The following DOK5 variants were observed in gnomAD, a reference collection of about 807,000 sequenced individuals.
DOK5 encodes the protein docking protein 5, also known as downstream of tyrosine kinase 5.
In DOK5, 27 loss-of-function variants were observed where a neutral mutation model predicts 43.3. That is an observed-to-expected ratio of 0.62 (90% CI 0.46 to 0.86). The LOEUF (loss-of-function observed/expected upper bound fraction) is 0.86. DOK5 is among the 40% of genes least tolerant of loss of function. DOK5 has a pLI of 0.00. For missense variants in DOK5, 373 were observed against 392.9 expected (o/e 0.95, Z 0.43); for synonymous variants, 146 against 140.1 (o/e 1.04, Z -0.30).
In DOK5 at chr20:54,619,023, T is replaced by TTTTATATA. The variant is rs1555836770; in HGVS notation, c.735+8501_735+8502insTTATATAT. 1.1e-3 allele frequency among the ~76,000 whole-genome samples: 49 copies of TTTTATATA among 43,400 alleles called. 5 individuals carry two copies. The highest frequency in any genetic ancestry group is 2.0e-3 in the Admixed American group (7 of 3,450). 28.5% of individuals were successfully genotyped at this position (43,400 alleles called of 152,430 possible). On this transcript the variant is annotated intron_variant, in intron 6 of 7. Coordinates refer to ENST00000262593, the MANE Select transcript of DOK5 (RefSeq NM_018431.5). ...CAGAACAAGACCTTGTTTCAATAAA[T>TTTTATATA]TATATATATATATATATATATATAT... is the stretch of plus-strand genomic sequence containing the variant.
chr20:54,631,606 A>G (rs996440721), intron 6 of DOK5, among the ~76,000 whole-genome samples: 4 of 152,124 alleles, frequency 2.6e-5, no homozygotes, highest in Non-Finnish European at 4.4e-5. Flanking sequence ...AATCTACCTT[A>G]TATGTTTTCC....
chr20:54,493,787 A>C (rs1391851767), intron 1 of DOK5, among the ~76,000 whole-genome samples: 1 of 151,884 alleles, frequency 6.6e-6, no homozygotes, highest in Non-Finnish European at 1.5e-5. Flanking sequence ...AAATTAAAAA[A>C]ACTTTGTTGG....
intron 2 of DOK5, among the ~76,000 whole-genome samples, chr20:54,557,026 G>C (rs77516766): frequency 0.05 from 7,654 of 152,266 alleles, 229 homozygotes; most frequent in East Asian, 0.13. Context: ...TCGGCAAATG[G>C]TGTTGGCTGT....
At position 54,503,344 on chromosome 20, in the gene DOK5, G is replaced by A. The variant is rs368493442; in HGVS notation, c.66+27332G>A. 1.1e-4 allele frequency among the ~76,000 whole-genome samples: 17 copies of A among 152,116 alleles called. No individual in the cohort carries two copies. The East Asian group carries it at 1.9e-3, about 17-fold the overall frequency. ...TTTAAAAAATAATTTTATAGACTGGGGTATTGGAAAAGTAGTATAATCAGG... is the reference window on the plus strand; with the variant it reads ...TTTAAAAAATAATTTTATAGACTGGAGTATTGGAAAAGTAGTATAATCAGG... On this transcript the variant is annotated intron_variant, in intron 1 of 7. Coordinates refer to ENST00000262593, the MANE Select transcript of DOK5 (RefSeq NM_018431.5).
At chr20:54,641,226 T>C (rs1979095726) in intron 6 of DOK5, among the ~76,000 whole-genome samples, 1 of 152,336 alleles carries the variant, frequency 6.6e-6, no homozygotes, top group East Asian at 1.9e-4. Context: ...GTGATTCCAC[T>C]TGGGGGCATG....
At chr20:54,582,556 C>T (rs1985677074) in intron 2 of DOK5, among the ~76,000 whole-genome samples, 1 of 151,374 alleles carries the variant, frequency 6.6e-6, no homozygotes, top group East Asian at 2.0e-4. Flanking sequence ...TTATTGAATC[C>T]CTTAATAGTT....
chr20:54,564,213 G>A (rs1244074163), intron 2 of DOK5, among the ~76,000 whole-genome samples: 1 of 152,070 alleles, frequency 6.6e-6, no homozygotes, highest in African/African-American at 2.4e-5. Context: ...CATGAGGTCA[G>A]GAGATCAAGA....
At chr20:54,546,229 TA>T (rs912342178) in intron 1 of DOK5, among the ~76,000 whole-genome samples, 3 of 152,156 alleles carry the variant, frequency 2.0e-5, no homozygotes, top group Admixed American at 1.3e-4. Flanking sequence ...ATAATGCATA[TA>T]AAAGGCTCAG....
intron 2 of DOK5, among the ~76,000 whole-genome samples, chr20:54,561,417 C>T (rs1430160963): frequency 6.6e-6 from 1 of 152,192 alleles, no homozygotes; most frequent in Non-Finnish European, 1.5e-5. Context: ...ACAGAAGACA[C>T]ATACCCTTCT....
chr20:54,507,927 G>A lies in DOK5; in HGVS notation c.66+31915G>A, dbSNP rs558352801. On this transcript the variant is annotated intron_variant, in intron 1 of 7. Coordinates refer to ENST00000262593, the MANE Select transcript of DOK5 (RefSeq NM_018431.5). ...TGCATTCTAAGTGTATTGAGAACCC[G>A]TGGAGGATTTAAGAAGGGAAGTGAT... is the stretch of plus-strand genomic sequence containing the variant. Among the ~76,000 whole-genome samples, 7 of 152,306 alleles carry A rather than the reference G, an allele frequency of 4.6e-5. No individual in the cohort carries two copies. In the South Asian group the frequency reaches 1.5e-3, roughly 32 times the overall value.
At position 54,587,429 on chromosome 20, in the gene DOK5, C is replaced by T. The variant is rs187694652; in HGVS notation, c.175-1054C>T. ...AATTTAGAGTAACAGACGAGAGAAA[C>T]GGAACAACATCATTGCAGGCAAAGA... is the stretch of plus-strand genomic sequence containing the variant. On this transcript the variant is annotated intron_variant, in intron 2 of 7. Transcript: ENST00000262593. Among the ~76,000 whole-genome samples the T allele has an allele frequency of 9.3e-5, 14 of 151,084 alleles. No individual in the cohort carries two copies. The East Asian group carries it at 2.5e-3, about 27-fold the overall frequency.
chr20:54,605,801 A>C (rs966241253), intron 5 of DOK5, among the ~76,000 whole-genome samples: 6 of 152,226 alleles, frequency 3.9e-5, no homozygotes, highest in Non-Finnish European at 5.9e-5. Context: ...ATCAGAACAA[A>C]ATCCCCGTCT....
chr20:54,550,911 A>G (rs1984507592), intron 1 of DOK5, among the ~76,000 whole-genome samples: 5 of 152,128 alleles, frequency 3.3e-5, no homozygotes, highest in South Asian at 2.1e-4. Context: ...TTTCTGTGTC[A>G]TAAATTCCTA....
At chr20:54,566,150 T>G (rs1010415923) in intron 2 of DOK5, among the ~76,000 whole-genome samples, 9 of 151,864 alleles carry the variant, frequency 5.9e-5, no homozygotes, top group Admixed American at 2.0e-4. Context: ...TTCTACAGTT[T>G]TTTTTTTCTT....
intron 2 of DOK5, among the ~76,000 whole-genome samples, chr20:54,572,228 T>G (rs1232899284): frequency 1.3e-5 from 2 of 152,018 alleles, no homozygotes; most frequent in Admixed American, 1.3e-4. Context: ...TGGCGCGATC[T>G]TGGCTCACTG....
chr20:54,603,648 G>A (rs1986368005), intron 5 of DOK5, among the ~76,000 whole-genome samples: 7 of 152,082 alleles, frequency 4.6e-5, no homozygotes, highest in Admixed American at 4.6e-4. Flanking sequence ...TAGAGGCCGG[G>A]GATGCTGCTC....
intron 1 of DOK5, among the ~76,000 whole-genome samples, chr20:54,519,678 A>G (rs968064946): frequency 4.6e-5 from 7 of 152,210 alleles, no homozygotes; most frequent in Admixed American, 3.3e-4. Flanking sequence ...TCATTATCTT[A>G]TGATTCAGTA....
At chr20:54,516,916 C>A (rs191193360) in intron 1 of DOK5, among the ~76,000 whole-genome samples, 1 of 152,266 alleles carries the variant, frequency 6.6e-6, no homozygotes, top group Non-Finnish European at 1.5e-5. Flanking sequence ...TTCTCAGAAG[C>A]AATTTTGTTT....
At chr20:54,526,676 G>C (rs1251966786) in intron 1 of DOK5, among the ~76,000 whole-genome samples, 1 of 152,150 alleles carries the variant, frequency 6.6e-6, no homozygotes, top group Non-Finnish European at 1.5e-5. Flanking sequence ...TAATTAAACT[G>C]TGTGTTTTTT....
Sources: allele counts gnomAD v4.1 joint callset (sites outside exome capture counted in the v4.1 genomes callset), GRCh38; gene constraint gnomAD v4.1.1; transcripts MANE v1.5; gene names NCBI Gene and HGNC (gene_info 2026-07-23, HGNC 2026-07-21).